The following SNTG1 variants were observed in gnomAD, a reference collection of about 807,000 sequenced individuals.
The protein encoded by SNTG1 is syntrophin gamma 1.
A neutral mutation model predicts 74.7 loss-of-function variants in SNTG1; 39 were observed. The ratio of observed to expected loss-of-function variants is 0.52; its 90% CI spans 0.40 to 0.68. The LOEUF (loss-of-function observed/expected upper bound fraction) is 0.68. Ranked by LOEUF, SNTG1 falls within the 30% of genes least tolerant of loss-of-function variation. SNTG1 has a pLI of 0.00. For missense variants in SNTG1, 685 were observed against 609.5 expected (o/e 1.12, Z -1.30); for synonymous variants, 254 against 217.1 (o/e 1.17, Z -1.49).
chr8:49,958,780 C>G (rs1810419515), intron 1 of SNTG1, among the ~76,000 whole-genome samples: 1 of 152,138 alleles, frequency 6.6e-6, no homozygotes, highest in Non-Finnish European at 1.5e-5. Flanking sequence ...CACTCTTAGG[C>G]AAAAACAGTA....
Position 50,704,589 on chromosome 8 carries a change from G to A in SNTG1, c.1039-11G>A. ...TGTGTGCCAGCCTGTGTAACTCCAG[G>A]TTTTCACCAGGACAGTGACCTGCTG... On this transcript the variant is annotated splice_polypyrimidine_tract_variant and intron_variant, in intron 15 of 18. Coordinates refer to ENST00000642720, the MANE Select transcript of SNTG1 (RefSeq NM_018967.5). 1 of 1,614,062 alleles carries A rather than the reference G, an allele frequency of 6.2e-7. No homozygotes were observed. Among genetic ancestry groups the A allele is most frequent in the Non-Finnish European group, 8.5e-7 (1 of 1,179,978 alleles).
intron 1 of SNTG1, among the ~76,000 whole-genome samples, chr8:49,957,154 G>A (rs1361645433): frequency 6.6e-6 from 1 of 152,166 alleles, no homozygotes; most frequent in Non-Finnish European, 1.5e-5. Flanking sequence ...ACATCATTAA[G>A]ATGGTGCTTC....
At chr8:50,345,963 C>G (rs1000624831) in intron 2 of SNTG1, among the ~76,000 whole-genome samples, 1 of 152,120 alleles carries the variant, frequency 6.6e-6, no homozygotes, top group Non-Finnish European at 1.5e-5. Context: ...ATTTCATTAA[C>G]TGGGTTTAGT....
chr8:50,762,727 TC>T, intron 18 of SNTG1: 1 of 484,414 alleles, frequency 2.1e-6, no homozygotes, highest in Non-Finnish European at 4.2e-6. Flanking sequence ...TGTGCTTGCC[TC>T]CCTTTTCCAT....
intron 13 of SNTG1, among the ~76,000 whole-genome samples, chr8:50,611,289 C>G (rs945632583): frequency 1.3e-5 from 2 of 152,152 alleles, no homozygotes; most frequent in African/African-American, 4.8e-5. Context: ...TGAGTAGTTT[C>G]TCTGATAGAA....
At chr8:50,217,735 A>C (rs960857887) in intron 2 of SNTG1, among the ~76,000 whole-genome samples, 1 of 152,194 alleles carries the variant, frequency 6.6e-6, no homozygotes, top group Non-Finnish European at 1.5e-5. Context: ...GAGGCTAAGA[A>C]AGCCTACCAT....
intron 1 of SNTG1, among the ~76,000 whole-genome samples, chr8:50,142,434 T>A (rs2081695916): frequency 6.6e-6 from 1 of 151,170 alleles, no homozygotes; most frequent in African/African-American, 2.4e-5. Context: ...ACATAAAAAT[T>A]TTGCTTTTTA....
chr8:50,417,380 C>T (rs1329286204), intron 4 of SNTG1, among the ~76,000 whole-genome samples: 3 of 152,120 alleles, frequency 2.0e-5, no homozygotes, highest in Non-Finnish European at 4.4e-5. Flanking sequence ...TCAAAAGGCA[C>T]CTATGTGATC....
chr8:50,327,291 A>G (rs1587145890), intron 2 of SNTG1, among the ~76,000 whole-genome samples: 1 of 152,008 alleles, frequency 6.6e-6, no homozygotes, highest in Non-Finnish European at 1.5e-5. Flanking sequence ...TAGCGAATTC[A>G]CCCTTTTCTC....
At chr8:50,336,068 AATTAAGT>A (rs1207684349) in intron 2 of SNTG1, among the ~76,000 whole-genome samples, 2 of 152,094 alleles carry the variant, frequency 1.3e-5, no homozygotes, top group African/African-American at 4.8e-5. Context: ...GGGTGAGATG[AATTAAGT>A]ATTATGTGTT....
intron 13 of SNTG1, among the ~76,000 whole-genome samples, chr8:50,649,987 T>C (rs2095134719): frequency 6.7e-6 from 1 of 149,078 alleles, no homozygotes; most frequent in East Asian, 1.9e-4. Flanking sequence ...ATTTAATTTC[T>C]TTTTTTTTTC....
chr8:50,042,310 G>A (rs902360198), intron 1 of SNTG1, among the ~76,000 whole-genome samples: 4 of 152,080 alleles, frequency 2.6e-5, no homozygotes, highest in Non-Finnish European at 4.4e-5. Context: ...CACCCCCAGG[G>A]TGCTGCTGAT....
chr8:50,478,427 T>C (rs1282045774), intron 8 of SNTG1, among the ~76,000 whole-genome samples: 4 of 152,190 alleles, frequency 2.6e-5, no homozygotes, highest in African/African-American at 9.7e-5. Flanking sequence ...GCAATACAAT[T>C]TGATAAGCTA....
chr8:49,948,485 AT>A (rs1336271290), intron 1 of SNTG1, among the ~76,000 whole-genome samples: 2 of 152,076 alleles, frequency 1.3e-5, no homozygotes, highest in South Asian at 4.1e-4. Context: ...TGTTTGGTGC[AT>A]TTTTTACTAT....
At chr8:50,192,072 CG>C in intron 2 of SNTG1, among the ~76,000 whole-genome samples, 1 of 152,236 alleles carries the variant, frequency 6.6e-6, no homozygotes, top group African/African-American at 2.4e-5. Context: ...AGAAGGCTTC[CG>C]TGTGGCCTGA....
In SNTG1 at chr8:50,061,603, C is replaced by T. The variant is rs542472897; in HGVS notation, c.-102-110958C>T. Reference sequence around the variant, plus strand: ...TTTAGATTATTGATTTGAGATTGTTCTGTTTCTAATGTAAACATTTAGTGT... The same window carrying T: ...TTTAGATTATTGATTTGAGATTGTTTTGTTTCTAATGTAAACATTTAGTGT... On this transcript the variant is annotated intron_variant, in intron 1 of 18. Transcript: ENST00000642720. 5.3e-5 allele frequency among the ~76,000 whole-genome samples: 8 copies of T among 152,094 alleles called. No individual in the cohort carries two copies. The East Asian group carries it at 1.4e-3, about 26-fold the overall frequency.
intron 2 of SNTG1, among the ~76,000 whole-genome samples, chr8:50,296,305 C>T (rs1250337126): frequency 6.6e-6 from 1 of 152,200 alleles, no homozygotes; most frequent in African/African-American, 2.4e-5. Context: ...TATAAAGACA[C>T]ATGCACATAT....
rs184735516 is a variant in SNTG1, at chr8:50,674,418, C to T, written c.1038+15755C>T. Among the ~76,000 whole-genome samples, 32 of 151,576 alleles carry T rather than the reference C, an allele frequency of 2.1e-4. No homozygotes were observed. The East Asian group carries it at 3.1e-3, about 15-fold the overall frequency. ...TTAGTCTTGGGAGGGTGTATGTGTC[C>T]AGGAATTTATTTATTTTTCTAGATT... On this transcript the variant is annotated intron_variant, in intron 15 of 18. Coordinates refer to ENST00000642720, the MANE Select transcript of SNTG1 (RefSeq NM_018967.5).
chr8:50,718,696 C>T (rs1343224776), intron 17 of SNTG1, among the ~76,000 whole-genome samples: 2 of 152,144 alleles, frequency 1.3e-5, no homozygotes, highest in Admixed American at 6.5e-5. Context: ...GTGGTTGAGG[C>T]CACTATCAAG....
Sources: allele counts gnomAD v4.1 joint callset (sites outside exome capture counted in the v4.1 genomes callset), GRCh38; gene constraint gnomAD v4.1.1; transcripts MANE v1.5; gene names NCBI Gene and HGNC (gene_info 2026-07-23, HGNC 2026-07-21).